KMT2E: variants seen among roughly 807,000 people sequenced by gnomAD.
KMT2E encodes lysine methyltransferase 2E (inactive), also known as histone reader KMT2E.
KMT2E carries 30 observed loss-of-function variants against 184.6 expected under a neutral mutation model. The ratio of observed to expected loss-of-function variants is 0.16; its 90% CI spans 0.12 to 0.22. The LOEUF (loss-of-function observed/expected upper bound fraction) is 0.22. Ranked by LOEUF, KMT2E falls within the 10% of genes least tolerant of loss-of-function variation. The pLI is 1.00. For synonymous variants in KMT2E, 815 were observed against 776.5 expected (o/e 1.05, Z -0.82); for missense variants, 2,023 against 2,237.4 (o/e 0.90, Z 1.93).
chr7:105,046,645 A>G (rs1458551984), intron 3 of KMT2E, among the ~76,000 whole-genome samples: 1 of 152,196 alleles, frequency 6.6e-6, no homozygotes, highest in Non-Finnish European at 1.5e-5. Context: ...GCATTCCTGA[A>G]AGTTTGTGTC....
intron 15 of KMT2E, among the ~76,000 whole-genome samples, chr7:105,100,230 T>G (rs1798595062): frequency 6.6e-6 from 1 of 152,206 alleles, no homozygotes; most frequent in Admixed American, 6.5e-5. Context: ...TAGAGTACTT[T>G]TGTTGACATA....
Position 105,112,831 on chromosome 7 carries a change from C to T in KMT2E, c.5075C>T (p.Pro1692Leu), listed in dbSNP as rs754228222. The change falls in exon 27 of 27, where the codon CCA (proline) becomes CTA (leucine). Residue 1692 changes from proline (P) to leucine (L), a missense_variant. Around this residue, in one of 8 missense-constraint regions of KMT2E, gnomAD observed 1,108 missense variants for 1,050.9 expected, o/e 1.05. Coordinates refer to ENST00000311117, the MANE Select transcript of KMT2E (RefSeq NM_182931.3). ...CCTGGTCCTGCCCCTCATCACCATC[C>T]ACCACCCCATCCATCCACAGGACTC... Reference protein sequence around the residue: ...PPPGPAPHHHPPPHPSTGLQG... With the variant: ...PPPGPAPHHHLPPHPSTGLQG... The T allele has an allele frequency of 6.9e-6, 11 of 1,599,380 alleles. No homozygotes were observed. In the South Asian group the frequency reaches 1.2e-4, roughly 18 times the overall value.
At position 105,113,567 on chromosome 7, in the gene KMT2E, GGCAGATCTGAT is replaced by G; in HGVS notation, c.*237_*247del. ...GTGAACATTCCAGCTGTTTTTTTCT[GGCAGATCTGAT>G]GCTGATTTGATGCTGTATGATCTTT... is the stretch of plus-strand genomic sequence containing the variant. On this transcript the variant is annotated 3_prime_UTR_variant, in exon 27 of 27. Coordinates refer to ENST00000311117, the MANE Select transcript of KMT2E (RefSeq NM_182931.3). The G allele has an allele frequency of 2.4e-6, 1 of 408,702 alleles. No individual in the cohort carries two copies. Among genetic ancestry groups the G allele is most frequent in the South Asian group, 5.1e-5 (1 of 19,656 alleles). The allele number at this position is 408,702 out of a possible 1,614,324, so 25.3% of individuals were successfully genotyped here.
At chr7:105,087,470 C>G (rs1169569919) in intron 13 of KMT2E, among the ~76,000 whole-genome samples, 1 of 150,186 alleles carries the variant, frequency 6.7e-6, no homozygotes, top group Non-Finnish European at 1.5e-5. Flanking sequence ...GTCACCCAGG[C>G]TGGAGTGCAG....
At chr7:105,050,304 A>T (rs1267386374) in intron 3 of KMT2E, among the ~76,000 whole-genome samples, 1 of 152,048 alleles carries the variant, frequency 6.6e-6, no homozygotes, top group Non-Finnish European at 1.5e-5. Flanking sequence ...TCAACTTTGG[A>T]TTTCTAGGTA....
intron 1 of KMT2E, among the ~76,000 whole-genome samples, chr7:105,024,703 C>G (rs921209622): frequency 3.3e-5 from 5 of 152,084 alleles, no homozygotes; most frequent in Non-Finnish European, 5.9e-5. Context: ...TTCCCAAGGT[C>G]GTAAAGTTAC....
intron 6 of KMT2E, among the ~76,000 whole-genome samples, chr7:105,067,492 C>T (rs1562903559): frequency 6.6e-6 from 1 of 152,010 alleles, no homozygotes; most frequent in Non-Finnish European, 1.5e-5. Flanking sequence ...ACATTTCCAC[C>T]ACCCTACCTC....
chr7:105,106,858 T>C, intron 20 of KMT2E, 86 bp downstream of exon 20: 1 of 1,291,860 alleles, frequency 7.7e-7, no homozygotes, highest in East Asian at 2.3e-5. Context: ...CTTTAACAAC[T>C]AGTGTGCTGA....
chr7:105,089,414 G>A (rs1798113082), intron 13 of KMT2E: 5 of 257,512 alleles, frequency 1.9e-5, no homozygotes, highest in South Asian at 1.6e-4. Flanking sequence ...GGCCAGGCTG[G>A]TCTCAAGTGA....
chr7:105,078,537 C>T (rs1018187521), intron 11 of KMT2E, among the ~76,000 whole-genome samples: 2 of 151,600 alleles, frequency 1.3e-5, no homozygotes, highest in Non-Finnish European at 2.9e-5. Flanking sequence ...GAGACAGTCT[C>T]GCTCTATCAG....
chr7:105,045,335 T>G (rs1796059744), intron 3 of KMT2E, among the ~76,000 whole-genome samples: 1 of 152,214 alleles, frequency 6.6e-6, no homozygotes, highest in African/African-American at 2.4e-5. Flanking sequence ...TGTTAACCAT[T>G]TTTAAGTGAA....
chr7:105,078,894 G>C lies in KMT2E; in HGVS notation c.1179G>C (p.Met393Ile). 6.2e-7 allele frequency: 1 copy of C among 1,610,492 alleles called. No homozygotes were observed. The highest frequency in any genetic ancestry group is 8.5e-7 in the Non-Finnish European group (1 of 1,177,054). The change falls in exon 12 of 27, where the codon ATG (methionine) becomes ATC (isoleucine). Residue 393 changes from methionine to isoleucine, a missense_variant. Physicochemically the swap from Met to Ile is conservative, Grantham distance 10. Transcript: ENST00000311117. ...LFYSKFHGLE[M>I]CVDARTFGNE... The stretch of plus-strand genomic sequence containing the variant: ...ACTCTAAATTTCATGGGCTAGAAAT[G>C]TGTGTTGATGCAAGGACTTTTGGGA...
chr7:105,040,742 T>G (rs1447808259), intron 2 of KMT2E, 97 bp from the exon 3 acceptor site: 3 of 362,442 alleles, frequency 8.3e-6, no homozygotes, highest in African/African-American at 6.3e-5. Context: ...AAATTTCAAT[T>G]TATATTGAGA....
At chr7:105,017,476 CTTTT>C (rs367910684) in intron 1 of KMT2E, among the ~76,000 whole-genome samples, 4 of 113,608 alleles carry the variant, frequency 3.5e-5, no homozygotes, top group African/African-American at 1.0e-4. Context: ...ATGATACTGG[CTTTT>C]TTTTTTTTTA....
intron 7 of KMT2E, among the ~76,000 whole-genome samples, chr7:105,074,165 A>T (rs1326218748): frequency 1.3e-5 from 2 of 152,038 alleles, no homozygotes; most frequent in African/African-American, 4.8e-5. Flanking sequence ...TCTTTGATGG[A>T]GATTTGGATT....
At chr7:105,076,386 G>C (rs1357829002) in intron 9 of KMT2E, among the ~76,000 whole-genome samples, 1 of 152,150 alleles carries the variant, frequency 6.6e-6, no homozygotes, top group Non-Finnish European at 1.5e-5. Flanking sequence ...TTACTATACT[G>C]TACTTAGGAA....
intron 1 of KMT2E, among the ~76,000 whole-genome samples, chr7:105,033,625 C>A (rs925688884): frequency 1.3e-5 from 2 of 152,030 alleles, no homozygotes; most frequent in Admixed American, 1.3e-4. Flanking sequence ...CAGCCTCCTG[C>A]GTAGCTGGGA....
intron 3 of KMT2E, among the ~76,000 whole-genome samples, chr7:105,049,072 G>A (rs1796221181): frequency 6.6e-6 from 1 of 152,170 alleles, no homozygotes. Flanking sequence ...AAACATGGGA[G>A]TAATAGACCA....
At chr7:105,088,883 T>C (rs1798092221) in intron 13 of KMT2E, among the ~76,000 whole-genome samples, 1 of 152,214 alleles carries the variant, frequency 6.6e-6, no homozygotes, top group Non-Finnish European at 1.5e-5. Context: ...AAAGGAAACA[T>C]TAAATTTTAT....
Sources: allele counts gnomAD v4.1 joint callset (sites outside exome capture counted in the v4.1 genomes callset), GRCh38; gene constraint gnomAD v4.1.1; regional missense constraint gnomAD v4.1.1; transcripts MANE v1.5; gene names NCBI Gene and HGNC (gene_info 2026-07-23, HGNC 2026-07-21).